KIF16B: variants seen among roughly 807,000 people sequenced by gnomAD.
The protein encoded by KIF16B is kinesin family member 16B.
In KIF16B, 98 loss-of-function variants were observed where a neutral mutation model predicts 156.3. The ratio of observed to expected loss-of-function variants is 0.63; its 90% confidence interval spans 0.53 to 0.74. The LOEUF (loss-of-function observed/expected upper bound fraction) is 0.74, where lower values mean the gene tolerates loss of function less well. KIF16B is among the 30% of genes least tolerant of loss of function. The pLI is 0.00. For synonymous variants in KIF16B, 564 were observed against 583.7 expected (o/e 0.97, Z 0.49); for missense variants, 1,421 against 1,606.5 (o/e 0.88, Z 1.97).
In KIF16B at chr20:16,366,932, G is replaced by A. The variant is rs1031515944; in HGVS notation, c.3498+3654C>T. On this transcript the variant is annotated intron_variant, in intron 22 of 25. Coordinates refer to ENST00000354981, the MANE Select transcript of KIF16B (RefSeq NM_024704.5). ...TTTCAAGAAAATGAAGCAAGGTGATGATAAAGATATTTTATTGGGGCTCTG... is the reference window on the plus strand; with the variant it reads ...TTTCAAGAAAATGAAGCAAGGTGATAATAAAGATATTTTATTGGGGCTCTG... The A allele has an allele frequency of 2.9e-5, 36 of 1,248,048 alleles. 1 individual carries two copies. Among genetic ancestry groups the A allele is most frequent in the Admixed American group, 7.6e-5 (2 of 26,260 alleles). 77.3% of individuals were successfully genotyped at this position (1,248,048 alleles called of 1,614,324 possible).
At chr20:16,350,825 C>T (rs1303872414) in intron 23 of KIF16B, among the ~76,000 whole-genome samples, 1 of 150,228 alleles carries the variant, frequency 6.7e-6, no homozygotes, top group East Asian at 2.0e-4. Flanking sequence ...TGTGGCCAGG[C>T]TAGCATGCAT....
intron 17 of KIF16B, among the ~76,000 whole-genome samples, chr20:16,404,567 G>A (rs964323755): frequency 3.9e-5 from 6 of 152,124 alleles, no homozygotes; most frequent in Non-Finnish European, 7.4e-5. Flanking sequence ...CAACACTCAC[G>A]AATGCTTATT....
chr20:16,539,251 G>A (rs148785496), intron 1 of KIF16B, among the ~76,000 whole-genome samples: 158 of 152,304 alleles, frequency 1.0e-3, no homozygotes, highest in African/African-American at 3.7e-3. Flanking sequence ...GACAGAAGAT[G>A]AGGAAAAGTT....
chr20:16,459,352 T>C (rs1015344978), intron 12 of KIF16B, among the ~76,000 whole-genome samples: 2 of 152,212 alleles, frequency 1.3e-5, no homozygotes, highest in Non-Finnish European at 2.9e-5. Flanking sequence ...CTGCCAGTTG[T>C]TCTCCACAAA....
intron 25 of KIF16B, among the ~76,000 whole-genome samples, chr20:16,293,569 T>A (rs1173280105): frequency 6.6e-6 from 1 of 151,856 alleles, no homozygotes; most frequent in African/African-American, 2.4e-5. Flanking sequence ...AGGGAGTAAA[T>A]CAAGAAAGGG....
rs145642744 is a variant in KIF16B at position 16,421,961 on chromosome 20, A to T, written c.1612+5143T>A. 6.5e-3 allele frequency among the ~76,000 whole-genome samples: 988 copies of T among 152,248 alleles called. 7 individuals carry two copies. The highest frequency in any genetic ancestry group is 0.011 in the South Asian group (55 of 4,824). On this transcript the variant is annotated intron_variant, in intron 15 of 25. Transcript: ENST00000354981. ...TTAACCTTCAATGCCAATTAGTACC[A>T]GTACTGTCCGAGGAAAAGTCGTATC...
At chr20:16,302,560 G>C (rs146448692) in intron 25 of KIF16B, among the ~76,000 whole-genome samples, 68 of 152,256 alleles carry the variant, frequency 4.5e-4, no homozygotes, top group African/African-American at 1.6e-3. Context: ...TTCCTAATTT[G>C]ATTTGGAGTG....
chr20:16,296,702 TG>T (rs2063392139), intron 25 of KIF16B, among the ~76,000 whole-genome samples: 1 of 152,140 alleles, frequency 6.6e-6, no homozygotes, highest in African/African-American at 2.4e-5. Context: ...GCTCAACAAA[TG>T]GAAAAATTAC....
At chr20:16,347,820 A>G (rs1212065727) in intron 23 of KIF16B, among the ~76,000 whole-genome samples, 12 of 152,230 alleles carry the variant, frequency 7.9e-5, no homozygotes, top group Admixed American at 7.9e-4. Flanking sequence ...ATCAGTTGCT[A>G]ATAAGCACAG....
intron 15 of KIF16B, among the ~76,000 whole-genome samples, chr20:16,421,985 T>C (rs1317923079): frequency 6.6e-6 from 1 of 152,136 alleles, no homozygotes; most frequent in African/African-American, 2.4e-5. Flanking sequence ...AAAAGTCGTA[T>C]CTTCAATATG....
At chr20:16,417,787 G>T (rs962043563) in intron 15 of KIF16B, among the ~76,000 whole-genome samples, 9 of 151,944 alleles carry the variant, frequency 5.9e-5, no homozygotes, top group African/African-American at 1.9e-4. Context: ...AAAAGTCAGT[G>T]AACTTAAACA....
At chr20:16,571,485 G>A (rs943517962) in intron 1 of KIF16B, among the ~76,000 whole-genome samples, 4 of 152,292 alleles carry the variant, frequency 2.6e-5, no homozygotes, top group African/African-American at 9.6e-5. Flanking sequence ...TGAACTCACA[G>A]TTCCTGTCCC....
At chr20:16,464,895 G>C (rs1040853930) in intron 12 of KIF16B, among the ~76,000 whole-genome samples, 18 of 152,190 alleles carry the variant, frequency 1.2e-4, no homozygotes, top group Admixed American at 1.0e-3. Context: ...CTGAGAACCT[G>C]TCCAAGCTGA....
chr20:16,325,639 T>C (rs370758717), intron 24 of KIF16B, among the ~76,000 whole-genome samples: 53 of 151,224 alleles, frequency 3.5e-4, no homozygotes, highest in African/African-American at 1.2e-3. Context: ...CTGAAAGAAA[T>C]TATAGATGAC....
intron 17 of KIF16B, among the ~76,000 whole-genome samples, chr20:16,391,166 G>A (rs1568926981): frequency 6.6e-6 from 1 of 152,160 alleles, no homozygotes; most frequent in African/African-American, 2.4e-5. Flanking sequence ...GCTATACAGA[G>A]CCTCAGCTGG....
chr20:16,388,335 T>C (rs2065275761), intron 17 of KIF16B, among the ~76,000 whole-genome samples: 1 of 152,236 alleles, frequency 6.6e-6, no homozygotes, highest in African/African-American at 2.4e-5. Context: ...ATGATAATTA[T>C]TTGGGATAGT....
At chr20:16,314,213 C>G (rs989015918) in intron 24 of KIF16B, among the ~76,000 whole-genome samples, 15 of 152,190 alleles carry the variant, frequency 9.9e-5, no homozygotes, top group Admixed American at 1.3e-4. Context: ...TCATTGACAT[C>G]TGGTTAGTCA....
chr20:16,278,251 G>A (rs1338031566), intron 25 of KIF16B, among the ~76,000 whole-genome samples: 1 of 151,960 alleles, frequency 6.6e-6, no homozygotes, highest in East Asian at 1.9e-4. Flanking sequence ...TGGGATGGAG[G>A]GGAAGACAAA....
chr20:16,289,020 A>G (rs114911738), intron 25 of KIF16B, among the ~76,000 whole-genome samples: 4,835 of 152,100 alleles, frequency 0.032, 80 homozygotes, highest in Middle Eastern at 0.038. Context: ...AAATACTCTA[A>G]GTCGAAAGTG....
Sources: gnomAD v4.1 joint callset for allele counts (sites outside exome capture counted in the v4.1 genomes callset) on GRCh38, gnomAD v4.1.1 for gene constraint, MANE v1.5 for transcripts, NCBI Gene and HGNC (gene_info 2026-07-23, HGNC 2026-07-21) for gene names.